Variants in JCAD observed in about 807,000 individuals in gnomAD.
JCAD encodes the protein junctional cadherin 5-associated protein.
JCAD carries 40 observed loss-of-function variants against 98.0 expected under a neutral mutation model. The observed-to-expected ratio is 0.41, with a 90% confidence interval of 0.32 to 0.53. JCAD has a LOEUF of 0.53. Among genes scored for constraint, JCAD ranks in the 20% least tolerant of loss-of-function variants. The pLI, the probability that JCAD is intolerant of heterozygous loss-of-function variation, is 0.31. For missense variants in JCAD, 1,705 were observed against 1,738.1 expected (o/e 0.98, Z 0.34); for synonymous variants, 691 against 682.3 (o/e 1.01, Z -0.20).
chr10:30,096,829 TTCCAG>T (rs965349516), intron 1 of JCAD, among the ~76,000 whole-genome samples: 2 of 152,202 alleles, frequency 1.3e-5, no homozygotes, highest in Non-Finnish European at 2.9e-5. Context: ...AGCTCAAATT[TTCCAG>T]TGAGCAAATG....
intron 2 of JCAD, among the ~76,000 whole-genome samples, chr10:30,037,248 T>C (rs1439081319): frequency 1.3e-5 from 2 of 152,246 alleles, no homozygotes; most frequent in Non-Finnish European, 2.9e-5. Context: ...CAGCATGATT[T>C]GGTCTATTCA....
rs1836799579 is a variant in JCAD at position 30,026,403 on chromosome 10, A to G, written c.3745T>C (p.Ser1249Pro). The change falls in exon 3 of 4, where the codon TCC becomes CCC. Residue 1249 changes from serine (S) to proline (P), a missense_variant. Around this residue, in one of 3 missense-constraint regions of JCAD, gnomAD observed 1,278 missense variants for 1,243.1 expected, o/e 1.03. Coordinates refer to ENST00000375377, the MANE Select transcript of JCAD (RefSeq NM_020848.4). Reference sequence around the variant, plus strand: ...TCAGGGTCTGCTCTCCTAGGCGGGGAGGCCAGTTTCTCTTGTAAACTTTCA... The same window carrying G: ...TCAGGGTCTGCTCTCCTAGGCGGGGGGGCCAGTTTCTCTTGTAAACTTTCA... ...VIESLQEKLASPPRRADPDRL... is the reference protein window; with the variant it reads ...VIESLQEKLAPPPRRADPDRL... 1.2e-6 allele frequency: 2 copies of G among 1,614,054 alleles called. No homozygotes were observed. The highest frequency in any genetic ancestry group is 1.7e-5 in the Admixed American group (1 of 60,000).
chr10:30,045,327 G>A (rs1251431106), intron 2 of JCAD, among the ~76,000 whole-genome samples: 1 of 151,990 alleles, frequency 6.6e-6, no homozygotes, highest in African/African-American at 2.4e-5. Flanking sequence ...CATCTGCAGG[G>A]ATTCCATAGC....
At chr10:30,039,394 G>C (rs1589688565) in intron 2 of JCAD, among the ~76,000 whole-genome samples, 1 of 152,360 alleles carries the variant, frequency 6.6e-6, no homozygotes, top group East Asian at 1.9e-4. Flanking sequence ...CCCACCTGAT[G>C]GGTGGGCAGC....
At chr10:30,070,355 G>A (rs1589704751) in intron 1 of JCAD, among the ~76,000 whole-genome samples, 1 of 152,084 alleles carries the variant, frequency 6.6e-6, no homozygotes, top group African/African-American at 2.4e-5. Context: ...CCCAGTCAGC[G>A]CTGATAAGAT....
intron 1 of JCAD, among the ~76,000 whole-genome samples, chr10:30,099,625 A>G (rs1369579369): frequency 3.3e-5 from 5 of 152,020 alleles, no homozygotes; most frequent in African/African-American, 9.7e-5. Context: ...TATATATAAT[A>G]TAATTTTAAA....
At chr10:30,081,014 G>A (rs146172068) in intron 1 of JCAD, among the ~76,000 whole-genome samples, 2 of 152,320 alleles carry the variant, frequency 1.3e-5, no homozygotes, top group African/African-American at 4.8e-5. Flanking sequence ...CTCGCACCAG[G>A]TGTACTTATA....
chr10:30,055,569 C>T (rs1428110880), intron 1 of JCAD, among the ~76,000 whole-genome samples: 1 of 152,218 alleles, frequency 6.6e-6, no homozygotes, highest in African/African-American at 2.4e-5. Flanking sequence ...AGTCCTGGGA[C>T]ACCAAGTTCT....
chr10:30,054,650 C>T (rs1311149950), intron 1 of JCAD, among the ~76,000 whole-genome samples: 7 of 150,860 alleles, frequency 4.6e-5, no homozygotes, highest in African/African-American at 1.7e-4. Context: ...TGAAATGCTG[C>T]TTAGGTTAGA....
In JCAD at chr10:30,028,269, T is replaced by C. The variant is rs368800873; in HGVS notation, c.1879A>G (p.Met627Val). Residue 627 changes from methionine to valine, a missense_variant, in exon 3 of 4, where the codon ATG (methionine) becomes GTG (valine). Physicochemically the swap from Met to Val is conservative, Grantham distance 21. Coordinates refer to ENST00000375377, the MANE Select transcript of JCAD (RefSeq NM_020848.4). Reference protein sequence around the residue: ...PALQEQSLLSMSSTDLELQAL... With the variant: ...PALQEQSLLSVSSTDLELQAL... ...TGCAGCTCCAGGTCGGTGGAAGACA[T>C]GCTCAGCAGACTCTGTTCTTGCAGA... The C allele has an allele frequency of 5.6e-6, 9 of 1,614,248 alleles. No homozygotes were observed. The highest frequency in any genetic ancestry group is 7.6e-6 in the Non-Finnish European group (9 of 1,180,052).
At chr10:30,064,045 T>A (rs1837746121), upstream of JCAD, among the ~76,000 whole-genome samples, 1 of 152,138 alleles carries the variant, frequency 6.6e-6, no homozygotes, top group African/African-American at 2.4e-5. Context: ...GACCTTGCGA[T>A]CTGCCTGCCT....
chr10:30,055,190 G>T (rs1196360914), intron 1 of JCAD, among the ~76,000 whole-genome samples: 1 of 152,112 alleles, frequency 6.6e-6, no homozygotes, highest in Non-Finnish European at 1.5e-5. Flanking sequence ...TTCTAAAAAG[G>T]TCTTAATTAG....
chr10:30,110,701 G>A (rs148254117), intron 1 of JCAD, among the ~76,000 whole-genome samples: 23 of 151,810 alleles, frequency 1.5e-4, no homozygotes, highest in African/African-American at 5.3e-4. Flanking sequence ...ATATGGAGCA[G>A]CTGATGTATG....
Position 30,014,890 on chromosome 10 carries a change from A to T in JCAD, c.*2993T>A, listed in dbSNP as rs773587029. On this transcript the variant is annotated 3_prime_UTR_variant, in exon 4 of 4. Coordinates refer to ENST00000375377, the MANE Select transcript of JCAD (RefSeq NM_020848.4). ...AGGAAACCAGGATCTCAAAGAACAG[A>T]TTCATGTTTTAGGGACTTTAAAAGA... 9.9e-5 allele frequency: 15 copies of T among 152,216 alleles called. No homozygotes were observed. Among genetic ancestry groups the T allele is most frequent in the Non-Finnish European group, 1.9e-4 (13 of 68,038 alleles). 9.4% of individuals were successfully genotyped at this position (152,216 alleles called of 1,614,324 possible).
In JCAD at chr10:30,043,287, T is replaced by A. The variant is rs568557090; in HGVS notation, c.281+4245A>T. 5.9e-5 allele frequency among the ~76,000 whole-genome samples: 9 copies of A among 152,212 alleles called. 1 individual carries two copies. In the South Asian group the frequency reaches 1.9e-3, roughly 32 times the overall value. ...GCTTCATGTTTGTGTTTTGTTTTTT[T>A]TAAAGTTTTACTAGAAGTCCCTCGA... is the stretch of plus-strand genomic sequence containing the variant. On this transcript the variant is annotated intron_variant, in intron 2 of 3. Transcript: ENST00000375377.
chr10:30,056,099 A>C (rs1168042046), intron 1 of JCAD, among the ~76,000 whole-genome samples: 1 of 152,218 alleles, frequency 6.6e-6, no homozygotes, highest in Non-Finnish European at 1.5e-5. Context: ...AAACTGGATA[A>C]GATTTTTAAA....
In JCAD at chr10:30,046,980, G is replaced by A. The variant is rs187363270; in HGVS notation, c.281+552C>T. 5.9e-5 allele frequency among the ~76,000 whole-genome samples: 9 copies of A among 152,044 alleles called. No homozygotes were observed. The East Asian group carries it at 9.7e-4, about 16-fold the overall frequency. ...TTGTGTGCACCTGGCCCAGCTATTCGAGAGGCTGAGGTGGGAGAATCACTT... is the reference window on the plus strand; with the variant it reads ...TTGTGTGCACCTGGCCCAGCTATTCAAGAGGCTGAGGTGGGAGAATCACTT... On this transcript the variant is annotated intron_variant, in intron 2 of 3. Transcript: ENST00000375377.
intron 2 of JCAD, among the ~76,000 whole-genome samples, chr10:30,038,629 T>G (rs1205911779): frequency 4.2e-5 from 6 of 143,694 alleles, no homozygotes; most frequent in Non-Finnish European, 7.5e-5. Flanking sequence ...AAGGCTGCAG[T>G]GAGCTGAGAT....
intron 1 of JCAD, among the ~76,000 whole-genome samples, chr10:30,087,579 G>A (rs1838186384): frequency 6.6e-6 from 1 of 152,240 alleles, no homozygotes; most frequent in Non-Finnish European, 1.5e-5. Flanking sequence ...AGGGTGGCCT[G>A]TAGTTGTTTA....
Sources: allele counts gnomAD v4.1 joint callset (sites outside exome capture counted in the v4.1 genomes callset), GRCh38; gene constraint gnomAD v4.1.1; regional missense constraint gnomAD v4.1.1; transcripts MANE v1.5; gene names NCBI Gene and HGNC (gene_info 2026-07-23, HGNC 2026-07-21).